ERMP1: variants seen among roughly 807,000 people sequenced by gnomAD.
The protein encoded by ERMP1 is Felix-ina.
A neutral mutation model predicts 92.0 loss-of-function variants in ERMP1; 86 were observed. The observed-to-expected ratio is 0.93, with a 90% CI of 0.79 to 1.12. ERMP1 has a LOEUF of 1.12. ERMP1 is among the 50% of genes most tolerant of loss of function. The pLI is 0.00. For missense variants in ERMP1, 1,342 were observed against 1,116.3 expected, an observed-to-expected ratio of 1.20 and a Z score of -2.88; for synonymous variants, 530 against 412.8, an observed-to-expected ratio of 1.28 and a Z score of -3.44.
chr9:5,848,487 A>G (rs563595935), intron 6 of ERMP1, among the ~76,000 whole-genome samples: 1 of 152,334 alleles, frequency 6.6e-6, no homozygotes, highest in African/African-American at 2.4e-5. Flanking sequence ...GTTTGCAACA[A>G]TTTCTTAGAG....
intron 6 of ERMP1, among the ~76,000 whole-genome samples, chr9:5,853,257 T>C (rs1830331580): frequency 6.6e-6 from 1 of 152,246 alleles, no homozygotes; most frequent in Non-Finnish European, 1.5e-5. Context: ...ATTTATGTCC[T>C]GCTTCTAGGC....
chr9:5,801,432 G>A (rs568771268), intron 10 of ERMP1, 104 bp from the exon 11 acceptor site: 2 of 1,122,144 alleles, frequency 1.8e-6, no homozygotes, highest in South Asian at 3.3e-5. Context: ...AACAGCCCCT[G>A]AAGAAAATTT....
At chr9:5,860,794 C>T (rs1360099863) in intron 5 of ERMP1, among the ~76,000 whole-genome samples, 2 of 151,960 alleles carry the variant, frequency 1.3e-5, no homozygotes, top group African/African-American at 4.8e-5. Flanking sequence ...GTTGCCCAGG[C>T]TGGTCTCAAA....
rs140670382 is a variant in ERMP1 at position 5,841,716 on chromosome 9, G to A, written n.3200-8404C>T. Reference sequence around the variant, plus strand: ...TGAGGCACAAGAATCACTTGAACCCGGGAGGCAGAGGCTGCAGTGAGCCAA... The same window carrying A: ...TGAGGCACAAGAATCACTTGAACCCAGGAGGCAGAGGCTGCAGTGAGCCAA... On this transcript the variant is annotated intron_variant and non_coding_transcript_variant, in intron 6 of 6. Coordinates refer to the ERMP1 transcript ENST00000690753. 2.6e-4 allele frequency among the ~76,000 whole-genome samples: 39 copies of A among 152,258 alleles called. No homozygotes were observed. In the East Asian group the frequency reaches 2.9e-3, roughly 11 times the overall value.
rs1428026819 is a variant in ERMP1 at position 5,795,603 on chromosome 9, C to A, written c.2386+2214G>T. Among the ~76,000 whole-genome samples, 5 of 152,018 alleles carry A rather than the reference C, an allele frequency of 3.3e-5. 1 individual carries two copies. The East Asian group carries it at 9.6e-4, about 29-fold the overall frequency. ...GACCAGCCTGGCCAACGTGGTGAAA[C>A]CCTGTCTCTACTAAAATTACAAAAA... On this transcript the variant is annotated intron_variant, in intron 13 of 14. Coordinates refer to ENST00000339450, the MANE Select transcript of ERMP1 (RefSeq NM_024896.3).
At chr9:5,812,384 A>G (rs1456054696) in intron 5 of ERMP1, among the ~76,000 whole-genome samples, 167 bp from the exon 6 acceptor site, 2 of 152,204 alleles carry the variant, frequency 1.3e-5, no homozygotes, top group Admixed American at 6.5e-5. Flanking sequence ...AAATTCTTAC[A>G]CAGTCTATAG....
At chr9:5,798,327 C>G (rs1334284525) in intron 12 of ERMP1, among the ~76,000 whole-genome samples, 1 of 152,144 alleles carries the variant, frequency 6.6e-6, no homozygotes, top group East Asian at 1.9e-4. Flanking sequence ...AGCAATTCCC[C>G]TGCCTCAGCC....
At chr9:5,848,665 C>T (rs1830268598) in intron 6 of ERMP1, among the ~76,000 whole-genome samples, 1 of 150,684 alleles carries the variant, frequency 6.6e-6, no homozygotes, top group Non-Finnish European at 1.5e-5. Context: ...TGAATGCTTA[C>T]CACTGAGTTA....
chr9:5,816,639 A>G (rs928326136), intron 4 of ERMP1, among the ~76,000 whole-genome samples: 4 of 152,232 alleles, frequency 2.6e-5, no homozygotes, highest in African/African-American at 9.6e-5. Flanking sequence ...ATACACATAC[A>G]TGTGTACCAA....
intron 4 of ERMP1, among the ~76,000 whole-genome samples, chr9:5,815,027 A>G (rs925766073): frequency 2.6e-5 from 4 of 152,182 alleles, no homozygotes; most frequent in African/African-American, 9.6e-5. Flanking sequence ...TTAAAGCATA[A>G]AAAGAAAAAA....
At chr9:5,819,189 G>C (rs764942972) in intron 4 of ERMP1, among the ~76,000 whole-genome samples, 4 of 151,982 alleles carry the variant, frequency 2.6e-5, no homozygotes, top group African/African-American at 4.8e-5. Flanking sequence ...TGGATGAATG[G>C]ATAAACGAAA....
chr9:5,828,200 T>C (rs571244450), intron 2 of ERMP1, among the ~76,000 whole-genome samples: 1 of 152,358 alleles, frequency 6.6e-6, no homozygotes, highest in South Asian at 2.1e-4. Context: ...CTTTAATTAT[T>C]AGACTCCACA....
At chr9:5,838,055 C>T (rs1410476920), upstream of ERMP1, among the ~76,000 whole-genome samples, 4 of 152,100 alleles carry the variant, frequency 2.6e-5, no homozygotes, top group East Asian at 7.7e-4. Context: ...GCCAACATCA[C>T]GCACTGCCCT....
rs1406809891 is a variant in ERMP1 at position 5,786,224 on chromosome 9, CAAAG to C, written c.*916_*919del. ...TGTATAACACAAGACTCCTATGAAACAAAGAAAAGAGAATAAATATTTATAAAAT... is the reference window on the plus strand; with the variant it reads ...TGTATAACACAAGACTCCTATGAAACAAAAGAGAATAAATATTTATAAAAT... On this transcript the variant is annotated 3_prime_UTR_variant, in exon 15 of 15. Coordinates refer to ENST00000339450, the MANE Select transcript of ERMP1 (RefSeq NM_024896.3). 2.0e-5 allele frequency: 3 copies of C among 152,168 alleles called. No homozygotes were observed. The highest frequency in any genetic ancestry group is 2.1e-4 in the South Asian group (1 of 4,826). 9.4% of individuals were successfully genotyped at this position (152,168 alleles called of 1,614,324 possible).
chr9:5,852,876 C>T (rs1830327497), intron 6 of ERMP1, among the ~76,000 whole-genome samples: 1 of 152,146 alleles, frequency 6.6e-6, no homozygotes, highest in Admixed American at 6.5e-5. Flanking sequence ...TTCCTGACTA[C>T]AGGGTCATCT....
rs1830003188 is a variant in ERMP1 at position 5,832,701 on chromosome 9, C to A, written c.327G>T (p.Ala109=). The change falls in exon 1 of 15, where the codon GCG becomes GCT. Residue 109 remains alanine, a synonymous_variant. Transcript: ENST00000339450. ...GGAGCGGCCGGTACCTGGCTTGGAGCGCGTCGAACTCCCCGCGGTGTCCAG... is the reference window on the plus strand; with the variant it reads ...GGAGCGGCCGGTACCTGGCTTGGAGAGCGTCGAACTCCCCGCGGTGTCCAG... ...GAAGHRGEFD[A]LQARDYLEHI... 4 of 1,473,452 alleles carry A rather than the reference C, an allele frequency of 2.7e-6. No homozygotes were observed. The highest frequency in any genetic ancestry group is 2.4e-5 in the Admixed American group (1 of 42,336). 91.3% of individuals were successfully genotyped at this position (1,473,452 alleles called of 1,614,324 possible).
intron 6 of ERMP1, among the ~76,000 whole-genome samples, chr9:5,851,487 T>G (rs1417752607): frequency 6.6e-6 from 1 of 152,152 alleles, no homozygotes; most frequent in Non-Finnish European, 1.5e-5. Flanking sequence ...AAGAAACACA[T>G]GCACACAGAT....
intron 2 of ERMP1, among the ~76,000 whole-genome samples, chr9:5,830,228 T>C (rs1183591359): frequency 6.6e-6 from 1 of 152,162 alleles, no homozygotes; most frequent in African/African-American, 2.4e-5. Context: ...CATTAGTGTA[T>C]ATTATGTGTG....
rs577718897 is a variant in ERMP1, at chr9:5,786,970, G to A, written c.*174C>T. ...GTGTCAACAGGCCATGCATCACTGC[G>A]CCACAGCTAAACCCTTATAGTGCTT... On this transcript the variant is annotated 3_prime_UTR_variant, in exon 15 of 15. Coordinates refer to ENST00000339450, the MANE Select transcript of ERMP1 (RefSeq NM_024896.3). 2.6e-5 allele frequency: 15 copies of A among 581,996 alleles called. No homozygotes were observed. The highest frequency in any genetic ancestry group is 1.1e-4 in the African/African-American group (6 of 53,322). The allele number at this position is 581,996 out of a possible 1,614,324, so 36.1% of individuals were successfully genotyped here.
Sources: allele counts gnomAD v4.1 joint callset (sites outside exome capture counted in the v4.1 genomes callset), GRCh38; gene constraint gnomAD v4.1.1; transcripts MANE v1.5; gene names NCBI Gene and HGNC (gene_info 2026-07-23, HGNC 2026-07-21).